The following SRPK2 variants were observed in gnomAD, a reference collection of about 807,000 sequenced individuals.
SRPK2 encodes SRSF protein kinase 2.
Under a neutral mutation model 90.8 loss-of-function variants are expected in SRPK2, and 21 were observed. The ratio of observed to expected loss-of-function variants is 0.23; its 90% CI spans 0.16 to 0.33. The LOEUF (loss-of-function observed/expected upper bound fraction) is 0.33. Among genes scored for constraint, SRPK2 ranks in the 10% least tolerant of loss-of-function variants. SRPK2 has a pLI of 1.00. For synonymous variants in SRPK2, 288 were observed against 311.1 expected (o/e 0.93, Z 0.78); for missense variants, 620 against 869.0 (o/e 0.71, Z 3.60).
At chr7:105,158,890 T>C (rs1806985825) in intron 7 of SRPK2, among the ~76,000 whole-genome samples, 1 of 151,480 alleles carries the variant, frequency 6.6e-6, no homozygotes, top group African/African-American at 2.4e-5. Context: ...GGGGATCAAA[T>C]AATTCCACTT....
At chr7:105,238,224 T>G (rs1800363258) in intron 2 of SRPK2, among the ~76,000 whole-genome samples, 2 of 152,204 alleles carry the variant, frequency 1.3e-5, no homozygotes, top group African/African-American at 4.8e-5. Flanking sequence ...AAGTCCTAAC[T>G]GATCAATAGT....
rs1449966470 is a variant in SRPK2 at position 105,302,000 on chromosome 7, G to T, written c.71+86648C>A. On this transcript the variant is annotated intron_variant, in intron 2 of 15. Coordinates refer to ENST00000393651, the MANE Select transcript of SRPK2 (RefSeq NM_182692.3). The stretch of plus-strand genomic sequence containing the variant: ...GAAGCGTAAGCTGGCAGACAAAACA[G>T]ATCACAAAGGAGAACTTCCTCGAGG... 3.8e-6 allele frequency: 6 copies of T among 1,597,602 alleles called. No homozygotes were observed. The African/African-American group carries it at 6.7e-5, about 18-fold the overall frequency.
intron 3 of SRPK2, among the ~76,000 whole-genome samples, chr7:105,201,635 G>GGAA (rs11445993): frequency 6.8e-6 from 1 of 146,032 alleles, no homozygotes; most frequent in Non-Finnish European, 1.5e-5. Context: ...GCTACCAGAA[G>GGAA]AAAAAAAAAA....
At chr7:105,197,585 G>C (rs1795069591) in intron 3 of SRPK2, among the ~76,000 whole-genome samples, 1 of 152,164 alleles carries the variant, frequency 6.6e-6, no homozygotes, top group Non-Finnish European at 1.5e-5. Context: ...CTGCATTATG[G>C]ATGGTTCAAA....
At position 105,117,932 on chromosome 7, in the gene SRPK2, T is replaced by C. The variant is rs1799790755; in HGVS notation, c.2006A>G (p.Gln669Arg). 2 of 1,614,084 alleles carry C rather than the reference T, an allele frequency of 1.2e-6. No individual in the cohort carries two copies. Among genetic ancestry groups the C allele is most frequent in the African/African-American group, 2.7e-5 (2 of 74,948 alleles). ...CATCGGGATCAGGAAATCTGTAAACTGTGCAGCATCTTCATGGGGCCAGCC... is the reference window on the plus strand; with the variant it reads ...CATCGGGATCAGGAAATCTGTAAACCGTGCAGCATCTTCATGGGGCCAGCC... ...KYGWPHEDAAQFTDFLIPMLE... is the reference protein window; with the variant it reads ...KYGWPHEDAARFTDFLIPMLE... The change falls in exon 16 of 16, where the codon CAG becomes CGG. Residue 669 changes from glutamine (Q) to arginine (R), a missense_variant. Around this residue, in one of 8 missense-constraint regions of SRPK2, gnomAD observed 71 missense variants for 123.1 expected, o/e 0.58. Transcript: ENST00000393651.
intron 2 of SRPK2, among the ~76,000 whole-genome samples, chr7:105,233,682 G>A (rs537239904): frequency 1.6e-4 from 24 of 152,114 alleles, no homozygotes; most frequent in African/African-American, 4.6e-4. Context: ...ATGAAATCCC[G>A]TCTCTACTAA....
chr7:105,379,633 G>A (rs985576258), intron 2 of SRPK2, among the ~76,000 whole-genome samples: 4 of 152,122 alleles, frequency 2.6e-5, no homozygotes, highest in Admixed American at 6.6e-5. Flanking sequence ...CTACATGGTC[G>A]TTACAGGGGT....
intron 2 of SRPK2, chr7:105,268,809 T>C: frequency 6.3e-7 from 1 of 1,599,746 alleles, no homozygotes; most frequent in South Asian, 1.1e-5. Flanking sequence ...GCTGTACCTT[T>C]CTGAAGAGGA....
At chr7:105,202,688 A>T (rs775605939) in intron 3 of SRPK2, among the ~76,000 whole-genome samples, 1 of 152,226 alleles carries the variant, frequency 6.6e-6, no homozygotes, top group Non-Finnish European at 1.5e-5. Flanking sequence ...TCTTCCGTGA[A>T]ATCATAGCTG....
chr7:105,288,470 T>C (rs754343686), intron 2 of SRPK2, among the ~76,000 whole-genome samples: 6 of 151,970 alleles, frequency 3.9e-5, no homozygotes, highest in African/African-American at 4.8e-5. Flanking sequence ...GGCGGGCACC[T>C]GTAATCTCAG....
At chr7:105,380,172 C>T (rs759438345) in intron 2 of SRPK2, among the ~76,000 whole-genome samples, 3 of 152,206 alleles carry the variant, frequency 2.0e-5, no homozygotes, top group Non-Finnish European at 4.4e-5. Context: ...CACTGCGTCG[C>T]CCAGGCTGGC....
chr7:105,169,443 T>C (rs1790520107), intron 3 of SRPK2, among the ~76,000 whole-genome samples, 178 bp from the exon 4 acceptor site: 1 of 152,180 alleles, frequency 6.6e-6, no homozygotes, highest in South Asian at 2.1e-4. Flanking sequence ...AGAAAAAGTG[T>C]TGGCTGGATG....
intron 2 of SRPK2, among the ~76,000 whole-genome samples, chr7:105,317,188 G>A (rs543360318): frequency 3.2e-4 from 48 of 152,226 alleles, no homozygotes; most frequent in African/African-American, 1.0e-3. Context: ...TTGCACTGAC[G>A]ACATAAAAAG....
At chr7:105,360,477 TC>T (rs1333928779) in intron 2 of SRPK2, among the ~76,000 whole-genome samples, 1 of 152,228 alleles carries the variant, frequency 6.6e-6, no homozygotes, top group Non-Finnish European at 1.5e-5. Context: ...GCATCGATGG[TC>T]TTTACAATTT....
chr7:105,126,832 C>T (rs555204781), intron 14 of SRPK2, among the ~76,000 whole-genome samples, 161 bp downstream of exon 14: 1 of 152,328 alleles, frequency 6.6e-6, no homozygotes, highest in African/African-American at 2.4e-5. Flanking sequence ...TGCCCATTCA[C>T]TGAGACTGAG....
At chr7:105,350,618 C>G (rs565949856) in intron 2 of SRPK2, among the ~76,000 whole-genome samples, 1 of 151,248 alleles carries the variant, frequency 6.6e-6, no homozygotes, top group Non-Finnish European at 1.5e-5. Context: ...CCGCCTCCCC[C>G]GTTTCAAGTA....
intron 1 of SRPK2, among the ~76,000 whole-genome samples, chr7:105,396,475 T>G (rs144630126): frequency 2.9e-4 from 44 of 151,740 alleles, no homozygotes; most frequent in South Asian, 6.3e-4. Flanking sequence ...ATATCTACTA[T>G]AAATACAAAG....
intron 2 of SRPK2, among the ~76,000 whole-genome samples, chr7:105,259,478 A>T (rs2129804313): frequency 6.6e-6 from 1 of 152,346 alleles, no homozygotes; most frequent in African/African-American, 2.4e-5. Flanking sequence ...TTACAGATTC[A>T]ATGCCATCCC....
intron 15 of SRPK2, among the ~76,000 whole-genome samples, chr7:105,121,564 C>T (rs1800387727): frequency 6.6e-6 from 1 of 152,038 alleles, no homozygotes; most frequent in Non-Finnish European, 1.5e-5. Flanking sequence ...AGTATCAACT[C>T]ACACACACAC....
Sources: gnomAD v4.1 joint callset for allele counts (sites outside exome capture counted in the v4.1 genomes callset) on GRCh38, gnomAD v4.1.1 for gene constraint, gnomAD v4.1.1 regional missense constraint, MANE v1.5 for transcripts, NCBI Gene and HGNC (gene_info 2026-07-23, HGNC 2026-07-21) for gene names.